The following GALNTL6 variants were observed in gnomAD, a reference collection of about 807,000 sequenced individuals.
GALNTL6 encodes polypeptide N-acetylgalactosaminyltransferase like 6.
GALNTL6 carries 46 observed loss-of-function variants against 73.7 expected under a neutral mutation model. The ratio of observed to expected loss-of-function variants is 0.62; its 90% CI spans 0.49 to 0.80. The LOEUF is 0.80. GALNTL6 is among the 30% of genes least tolerant of loss of function. The probability of loss-of-function intolerance (pLI) is 0.00; values close to 1 mark genes in which losing one functional copy is unlikely to be tolerated. For missense variants in GALNTL6, 604 were observed against 755.0 expected (o/e 0.80, Z 2.34); for synonymous variants, 259 against 263.7 (o/e 0.98, Z 0.17).
chr4:171,909,785 A>G (rs964982472), intron 2 of GALNTL6, among the ~76,000 whole-genome samples: 1 of 152,188 alleles, frequency 6.6e-6, no homozygotes, highest in Non-Finnish European at 1.5e-5. Context: ...TCTATTTGTT[A>G]AAAACCATAA....
intron 5 of GALNTL6, among the ~76,000 whole-genome samples, chr4:172,447,124 T>C (rs982301822): frequency 6.6e-6 from 1 of 152,028 alleles, no homozygotes; most frequent in Non-Finnish European, 1.5e-5. Flanking sequence ...GTGCTGTAAA[T>C]AGCATTATAA....
intron 2 of GALNTL6, among the ~76,000 whole-genome samples, chr4:171,937,914 G>T (rs894359934): frequency 6.6e-6 from 1 of 152,016 alleles, no homozygotes; most frequent in African/African-American, 2.4e-5. Flanking sequence ...CAATCTGTCC[G>T]TGAATCTGTA....
At chr4:172,916,809 AT>A (rs200589903) in intron 8 of GALNTL6, among the ~76,000 whole-genome samples, 2,777 of 152,336 alleles carry the variant, frequency 0.018, 84 homozygotes, top group African/African-American at 0.061. Flanking sequence ...TATCGTGAAA[AT>A]GGCCATACTG....
At chr4:172,470,656 G>A (rs559277676) in intron 5 of GALNTL6, among the ~76,000 whole-genome samples, 159 of 152,086 alleles carry the variant, frequency 1.0e-3, no homozygotes, top group African/African-American at 3.8e-3. Context: ...TAATAACTTT[G>A]GAAAAGCCTT....
chr4:171,910,721 A>T (rs1247190651), intron 2 of GALNTL6, among the ~76,000 whole-genome samples: 1 of 152,164 alleles, frequency 6.6e-6, no homozygotes, highest in Non-Finnish European at 1.5e-5. Flanking sequence ...AACAATCCAA[A>T]CTTGTAATAT....
chr4:172,348,202 A>G (rs538676523), intron 4 of GALNTL6, among the ~76,000 whole-genome samples: 39 of 152,328 alleles, frequency 2.6e-4, no homozygotes, highest in Middle Eastern at 3.4e-3. Flanking sequence ...GTTTTAATGC[A>G]TATTACTCAT....
intron 2 of GALNTL6, among the ~76,000 whole-genome samples, chr4:172,047,749 G>A (rs778636411): frequency 1.3e-5 from 2 of 151,966 alleles, no homozygotes; most frequent in East Asian, 1.9e-4. Flanking sequence ...TTATACTCAC[G>A]AGCTATTATC....
intron 2 of GALNTL6, among the ~76,000 whole-genome samples, chr4:172,135,039 A>G (rs1733599634): frequency 6.6e-6 from 1 of 152,134 alleles, no homozygotes; most frequent in African/African-American, 2.4e-5. Flanking sequence ...ATCATTTATG[A>G]TGAGACCTCA....
chr4:172,832,382 A>G (rs1742685428), intron 7 of GALNTL6, among the ~76,000 whole-genome samples: 1 of 152,204 alleles, frequency 6.6e-6, no homozygotes, highest in African/African-American at 2.4e-5. Context: ...GTAGCATGCT[A>G]AAATATTTTA....
chr4:172,776,222 T>C (rs565434578), intron 5 of GALNTL6, among the ~76,000 whole-genome samples: 1 of 152,342 alleles, frequency 6.6e-6, no homozygotes, highest in Middle Eastern at 3.4e-3. Flanking sequence ...ATCAAGTCAA[T>C]GAATGAATGT....
chr4:172,822,555 A>G (rs11132972), intron 7 of GALNTL6, among the ~76,000 whole-genome samples: 150,883 of 152,232 alleles, frequency 0.99, 74,785 homozygotes, highest in Middle Eastern at 1. Flanking sequence ...ATCGCCTCTT[A>G]AATTTTGGAC....
rs559538948 is a variant in GALNTL6 at position 171,962,335 on chromosome 4, A to T, written c.138+147617A>T. Among the ~76,000 whole-genome samples the T allele has an allele frequency of 3.3e-5, 5 of 152,294 alleles. No individual in the cohort carries two copies. In the East Asian group the frequency reaches 9.7e-4, roughly 29 times the overall value. On this transcript the variant is annotated intron_variant, in intron 2 of 12. Coordinates refer to ENST00000506823, the MANE Select transcript of GALNTL6 (RefSeq NM_001034845.3). ...CCCAGGAGGTTAGGCATTCTTAGTC[A>T]CCAAATGAGATAGGAGATCCGCACA...
At chr4:172,121,257 T>TTGTGTGTATGTGTG (rs1733142263) in intron 2 of GALNTL6, among the ~76,000 whole-genome samples, 1 of 142,372 alleles carries the variant, frequency 7.0e-6, no homozygotes, top group Non-Finnish European at 1.5e-5. Flanking sequence ...TCAAGAAGCA[T>TTGTGTGTATGTGTG]TGTGTGTGTG....
At chr4:172,999,389 C>T (rs1579762679) in intron 10 of GALNTL6, among the ~76,000 whole-genome samples, 2 of 152,296 alleles carry the variant, frequency 1.3e-5, no homozygotes, top group Admixed American at 1.3e-4. Flanking sequence ...CTCAGCCCTT[C>T]CAGTGTCCTT....
chr4:172,006,910 G>A lies in GALNTL6; in HGVS notation c.138+192192G>A, dbSNP rs187408902. ...GTTTAAATTATGCTCAGTATTATCTGGTTAAAACAGCAAGAAAGTAGATGA... is the reference window on the plus strand; with the variant it reads ...GTTTAAATTATGCTCAGTATTATCTAGTTAAAACAGCAAGAAAGTAGATGA... On this transcript the variant is annotated intron_variant, in intron 2 of 12. Transcript: ENST00000506823. Among the ~76,000 whole-genome samples, 13 of 152,004 alleles carry A rather than the reference G, an allele frequency of 8.6e-5. No homozygotes were observed. In the East Asian group the frequency reaches 1.9e-3, roughly 23 times the overall value.
intron 4 of GALNTL6, among the ~76,000 whole-genome samples, chr4:172,337,678 C>CT (rs1374108374): frequency 2.1e-5 from 3 of 144,148 alleles, no homozygotes; most frequent in Non-Finnish European, 4.5e-5. Flanking sequence ...ACCTTTTACT[C>CT]TACCCGTCTT....
intron 7 of GALNTL6, among the ~76,000 whole-genome samples, chr4:172,882,116 G>A (rs577631573): frequency 6.6e-6 from 1 of 152,002 alleles, no homozygotes; most frequent in African/African-American, 2.4e-5. Context: ...TTACATGACT[G>A]AAATGCATCC....
At chr4:172,614,227 A>G (rs1738634509) in intron 5 of GALNTL6, among the ~76,000 whole-genome samples, 1 of 152,128 alleles carries the variant, frequency 6.6e-6, no homozygotes, top group African/African-American at 2.4e-5. Context: ...AGTGATAGGT[A>G]GATAACAGAG....
chr4:172,061,209 T>TTC lies in GALNTL6; in HGVS notation c.139-168432_139-168431dup, dbSNP rs146148634. ...TCAGGTCTTTTTTTCTCTCTCTGTA[T>TTC]TCTCTCTCTCTCTCTCCCTTCATCC... On this transcript the variant is annotated intron_variant, in intron 2 of 12. Coordinates refer to ENST00000506823, the MANE Select transcript of GALNTL6 (RefSeq NM_001034845.3). 4.4e-3 allele frequency among the ~76,000 whole-genome samples: 660 copies of TTC among 151,448 alleles called. 7 individuals carry two copies. The highest frequency in any genetic ancestry group is 0.015 in the African/African-American group (626 of 41,334).
Sources: allele counts gnomAD v4.1 joint callset (sites outside exome capture counted in the v4.1 genomes callset), GRCh38; gene constraint gnomAD v4.1.1; transcripts MANE v1.5; gene names NCBI Gene and HGNC (gene_info 2026-07-23, HGNC 2026-07-21).